LRRC37A2: variants seen among roughly 807,000 people sequenced by gnomAD.
The protein encoded by LRRC37A2 is leucine rich repeat containing 37 member A2, also known as leucine-rich repeat-containing protein 37A2.
In LRRC37A2, 9 loss-of-function variants were observed where a neutral mutation model predicts 68.8. The ratio of observed to expected loss-of-function variants is 0.13; its 90% CI spans 0.08 to 0.23. The LOEUF is 0.23. LRRC37A2 is among the 10% of genes least tolerant of loss of function. LRRC37A2 has a pLI of 1.00. For synonymous variants in LRRC37A2, 63 were observed against 367.6 expected, an observed-to-expected ratio of 0.17 and a Z score of 9.48; for missense variants, 168 against 950.4, an observed-to-expected ratio of 0.18 and a Z score of 10.82.
chr17:46,770,656 A>C, the LRRC37A2 span, among the ~76,000 whole-genome samples: 1 of 152,042 alleles, frequency 6.6e-6, no homozygotes, highest in Admixed American at 6.6e-5. Flanking sequence ...CCCGTGCCTC[A>C]GTCTCCCCAT....
chr17:46,928,731 A>G, the LRRC37A2 span, among the ~76,000 whole-genome samples: 11 of 152,166 alleles, frequency 7.2e-5, no homozygotes, highest in Non-Finnish European at 1.6e-4. Flanking sequence ...TCACTTCAGC[A>G]TCCTCTCCCC....
the LRRC37A2 span, among the ~76,000 whole-genome samples, chr17:46,987,727 A>T: frequency 6.6e-6 from 1 of 152,362 alleles, no homozygotes; most frequent in African/African-American, 2.4e-5. Context: ...GAAACAGCCC[A>T]GCTATTTATC....
chr17:46,864,867 G>A, the LRRC37A2 span, among the ~76,000 whole-genome samples: 6 of 152,072 alleles, frequency 3.9e-5, no homozygotes, highest in Non-Finnish European at 5.9e-5. Context: ...CTGCTTCCCC[G>A]CACAGCCTCC....
At chr17:46,923,164 C>T in the LRRC37A2 span, 258 of 1,459,998 alleles carry the variant, frequency 1.8e-4, no homozygotes, top group Non-Finnish European at 2.2e-4. Flanking sequence ...GAAGCCAGAG[C>T]CGGAGCCGTG....
At chr17:47,021,423 G>A in the LRRC37A2 span, among the ~76,000 whole-genome samples, 62 of 97,946 alleles carry the variant, frequency 6.3e-4, 1 homozygote, top group African/African-American at 2.4e-3. Flanking sequence ...AGAGGGCACT[G>A]GGCCAAAGCT....
chr17:47,018,523 G>A, the LRRC37A2 span: 1 of 1,520,854 alleles, frequency 6.6e-7, no homozygotes, highest in South Asian at 1.1e-5. Flanking sequence ...CAGCTCTCAG[G>A]GTCAGGTAAT....
chr17:46,875,145 C>G, the LRRC37A2 span: 1 of 1,614,014 alleles, frequency 6.2e-7, no homozygotes, highest in Non-Finnish European at 8.5e-7. Context: ...CTCTGCCGCC[C>G]TCACCCACAC....
At chr17:46,822,242 T>C in the LRRC37A2 span, among the ~76,000 whole-genome samples, 1 of 151,780 alleles carries the variant, frequency 6.6e-6, no homozygotes, top group Admixed American at 6.5e-5. Context: ...TTAGGCGAGC[T>C]CCCTAGAGGC....
At chr17:46,731,810 CTGCAGTATA>C in the LRRC37A2 span, among the ~76,000 whole-genome samples, 5 of 152,162 alleles carry the variant, frequency 3.3e-5, no homozygotes, top group Admixed American at 6.5e-5. Flanking sequence ...GCCAGATTAC[CTGCAGTATA>C]CATGAATCAG....
chr17:46,691,350 T>G, the LRRC37A2 span, among the ~76,000 whole-genome samples: 31 of 99,712 alleles, frequency 3.1e-4, no homozygotes, highest in African/African-American at 1.1e-3. Flanking sequence ...ATCCCAGCAC[T>G]TTGGGAGGCT....
At chr17:46,991,553 A>T in the LRRC37A2 span, among the ~76,000 whole-genome samples, 1 of 152,160 alleles carries the variant, frequency 6.6e-6, no homozygotes, top group South Asian at 2.1e-4. Context: ...GCTTGAACCC[A>T]GTGGGCTGAG....
At chr17:47,044,771 GGAGGCCAAAGAGA>G in the LRRC37A2 span, among the ~76,000 whole-genome samples, 1 of 150,208 alleles carries the variant, frequency 6.7e-6, no homozygotes, top group Non-Finnish European at 1.5e-5. Context: ...CAGCACTTTG[GGAGGCCAAAGAGA>G]GAGGGTGGCT....
At chr17:46,836,476 G>GT in the LRRC37A2 span, among the ~76,000 whole-genome samples, 1,793 of 152,200 alleles carry the variant, frequency 0.012, 14 homozygotes, top group Non-Finnish European at 0.017. Flanking sequence ...ATATCTTTGT[G>GT]TTTTTTTACA....
At chr17:47,019,877 C>T in the LRRC37A2 span, 1 of 814,896 alleles carries the variant, frequency 1.2e-6, no homozygotes, top group South Asian at 1.3e-5. Flanking sequence ...CTTCCTGGGC[C>T]TTCTTTATCT....
At chr17:46,891,918 C>CTTTTTTT in the LRRC37A2 span, among the ~76,000 whole-genome samples, 20 of 71,810 alleles carry the variant, frequency 2.8e-4, no homozygotes, top group African/African-American at 5.4e-4. Context: ...CTTTTCTTTT[C>CTTTTTTT]TTTTTTTTTT....
intron 8 of LRRC37A2, among the ~76,000 whole-genome samples, chr17:46,543,706 A>G (rs1157525061): frequency 6.6e-6 from 1 of 150,988 alleles, no homozygotes; most frequent in African/African-American, 2.5e-5. Context: ...AAGTATTAGC[A>G]ACTACTGATT....
At chr17:46,795,815 CCTT>C in the LRRC37A2 span, among the ~76,000 whole-genome samples, 9 of 152,034 alleles carry the variant, frequency 5.9e-5, no homozygotes, top group South Asian at 2.1e-4. Context: ...TCAGATAACT[CCTT>C]CTCCTTCACT....
chr17:46,569,156 C>T, the LRRC37A2 span, among the ~76,000 whole-genome samples: 1 of 151,628 alleles, frequency 6.6e-6, no homozygotes, highest in East Asian at 1.9e-4. Flanking sequence ...CCATGTTGGC[C>T]AGGCTGGTCT....
the LRRC37A2 span, chr17:46,935,791 T>C: frequency 2.0e-6 from 2 of 986,746 alleles, no homozygotes; most frequent in Non-Finnish European, 2.4e-6. Flanking sequence ...CTGGGAGTGG[T>C]TTACAGAAAC....
Sources: allele counts gnomAD v4.1 joint callset (sites outside exome capture counted in the v4.1 genomes callset), GRCh38; gene constraint gnomAD v4.1.1; transcripts MANE v1.5; gene names NCBI Gene and HGNC (gene_info 2026-07-23, HGNC 2026-07-21).